Variants in FOCAD observed in about 807,000 individuals in gnomAD.
FOCAD encodes focadhesin.
In FOCAD, 198 loss-of-function variants were observed where a neutral mutation model predicts 225.6. The ratio of observed to expected loss-of-function variants is 0.88; its 90% confidence interval spans 0.78 to 0.99. FOCAD has a LOEUF of 0.99. Among genes scored for constraint, FOCAD ranks in the 50% least tolerant of loss-of-function variants. The probability of loss-of-function intolerance (pLI) is 0.00; values close to 1 mark genes in which losing one functional copy is unlikely to be tolerated. For missense variants in FOCAD, 2,713 were observed against 2,123.6 expected (o/e 1.28, Z -5.46); for synonymous variants, 897 against 755.0 (o/e 1.19, Z -3.08).
intron 21 of FOCAD, among the ~76,000 whole-genome samples, chr9:20,891,870 T>C (rs1831645356): frequency 6.6e-6 from 1 of 152,212 alleles, no homozygotes. Context: ...AGATGCCTTG[T>C]AGAAATTTTA....
intron 4 of FOCAD, among the ~76,000 whole-genome samples, chr9:20,732,021 C>T (rs182349179): frequency 5.9e-5 from 9 of 152,080 alleles, no homozygotes; most frequent in East Asian, 3.9e-4. Context: ...AAACATGTGC[C>T]GTGGTGGTTT....
intron 15 of FOCAD, among the ~76,000 whole-genome samples, chr9:20,845,528 A>T (rs1827013178): frequency 6.7e-6 from 1 of 148,990 alleles, no homozygotes; most frequent in African/African-American, 2.5e-5. Flanking sequence ...TTATTGATGG[A>T]TATTTTATTA....
intron 11 of FOCAD, among the ~76,000 whole-genome samples, chr9:20,811,272 G>T (rs1298450661): frequency 6.6e-6 from 1 of 152,048 alleles, no homozygotes; most frequent in Admixed American, 6.6e-5. Flanking sequence ...GTGTTAGATT[G>T]CTTTGATACA....
At chr9:20,700,676 T>G (rs1823871086) in intron 1 of FOCAD, among the ~76,000 whole-genome samples, 1 of 152,218 alleles carries the variant, frequency 6.6e-6, no homozygotes, top group Admixed American at 6.5e-5. Flanking sequence ...CTTCTGGCTG[T>G]TATTTATTTT....
intron 11 of FOCAD, among the ~76,000 whole-genome samples, chr9:20,799,609 C>T (rs1821556893): frequency 2.0e-5 from 3 of 151,616 alleles, no homozygotes; most frequent in Admixed American, 6.5e-5. Flanking sequence ...TAATGGCCTT[C>T]TTTGTCTGTT....
chr9:20,793,591 C>T lies in FOCAD; in HGVS notation c.1455+3983C>T, dbSNP rs1003909515. Among the ~76,000 whole-genome samples the T allele has an allele frequency of 4.6e-5, 7 of 152,206 alleles. 1 individual carries two copies. Among genetic ancestry groups the T allele is most frequent in the Admixed American group, 2.0e-4 (3 of 15,280 alleles). On this transcript the variant is annotated intron_variant, in intron 11 of 43. Coordinates refer to ENST00000338382, the MANE Select transcript of FOCAD (RefSeq NM_001375567.1). ...CTTACTAATGTACTGAAACAAAATC[C>T]GTTTGTCTGGGTGTGTCATTGAACA...
intron 11 of FOCAD, among the ~76,000 whole-genome samples, chr9:20,817,276 A>T (rs184963568): frequency 6.6e-6 from 1 of 152,292 alleles, no homozygotes; most frequent in East Asian, 1.9e-4. Flanking sequence ...ATATTTACAG[A>T]GTTTTGTAAA....
At chr9:20,921,276 T>G (rs1834403046) in intron 24 of FOCAD, among the ~76,000 whole-genome samples, 1 of 152,208 alleles carries the variant, frequency 6.6e-6, no homozygotes, top group Admixed American at 6.5e-5. Context: ...CAGCCTTCCT[T>G]GTGCTTTTTA....
Position 20,866,917 on chromosome 9 carries a change from T to TTTTAACCAAA in FOCAD, c.2107-12_2107-11insTTTAACCAAA. The TTTTAACCAAA allele has an allele frequency of 1.3e-6, 1 of 764,972 alleles. No individual in the cohort carries two copies. The highest frequency in any genetic ancestry group is 2.0e-6 in the Non-Finnish European group (1 of 498,468). The allele number at this position is 764,972 out of a possible 1,614,324, so 47.4% of individuals were successfully genotyped here. A position where few individuals can be genotyped will look rare whatever the true frequency, so the allele number is the denominator to read the frequency against. ...TTTTTTTTTTTTTTTTTTTTTTTTTTACCCTATCTAGGACCCAATTGTAGC... is the reference window on the plus strand; with the variant it reads ...TTTTTTTTTTTTTTTTTTTTTTTTTTTTTAACCAAAACCCTATCTAGGACCCAATTGTAGC... On this transcript the variant is annotated splice_polypyrimidine_tract_variant and intron_variant, in intron 17 of 43. Transcript: ENST00000338382.
intron 10 of FOCAD, among the ~76,000 whole-genome samples, chr9:20,786,730 T>C (rs1819958958): frequency 1.3e-5 from 2 of 152,244 alleles, no homozygotes; most frequent in African/African-American, 4.8e-5. Context: ...TACTACTTAA[T>C]GTGTCTGCAC....
At chr9:20,975,476 A>C (rs1840150334) in intron 35 of FOCAD, among the ~76,000 whole-genome samples, 1 of 152,212 alleles carries the variant, frequency 6.6e-6, no homozygotes. Flanking sequence ...CCCAAGGTAC[A>C]GAATGCAGTC....
chr9:20,711,944 C>T (rs921242226), intron 1 of FOCAD, among the ~76,000 whole-genome samples: 7 of 152,160 alleles, frequency 4.6e-5, no homozygotes, highest in African/African-American at 1.7e-4. Context: ...CAGTGTTTCC[C>T]AGTGTGTATC....
chr9:20,661,335 A>G (rs533835584), intron 2 of FOCAD, among the ~76,000 whole-genome samples: 5 of 152,344 alleles, frequency 3.3e-5, no homozygotes, highest in African/African-American at 7.2e-5. Flanking sequence ...ATAGTCTCCA[A>G]TGTGCTGAGT....
chr9:20,939,460 C>G (rs946867974), intron 28 of FOCAD, among the ~76,000 whole-genome samples: 1 of 152,078 alleles, frequency 6.6e-6, no homozygotes, highest in African/African-American at 2.4e-5. Context: ...TAAGATGCCG[C>G]CAACTTTAGC....
intron 1 of FOCAD, among the ~76,000 whole-genome samples, chr9:20,686,879 C>T (rs776571019): frequency 7.9e-5 from 12 of 152,106 alleles, no homozygotes; most frequent in Non-Finnish European, 1.6e-4. Flanking sequence ...TGTGAATTTC[C>T]TCCATGTAAA....
intron 34 of FOCAD, among the ~76,000 whole-genome samples, chr9:20,952,264 AC>A: frequency 6.6e-6 from 1 of 152,126 alleles, no homozygotes; most frequent in Non-Finnish European, 1.5e-5. Flanking sequence ...ATCATCTTAT[AC>A]CCAGGTTCTT....
In FOCAD at chr9:20,819,862, G is replaced by A; in HGVS notation, c.1522G>A (p.Asp508Asn). 2 of 1,547,948 alleles carry A rather than the reference G, an allele frequency of 1.3e-6. No homozygotes were observed. Among genetic ancestry groups the A allele is most frequent in the African/African-American group, 1.4e-5 (1 of 71,818 alleles). Reference protein sequence around the residue: ...GRPLEPILYNDILYTLPKLGV... With the variant: ...GRPLEPILYNNILYTLPKLGV... ...ACCACTGGAACCTATATTATATAAT[G>A]ATATATTGTATACTTTACCTAAGCT... The change falls in exon 12 of 44, where the codon GAT becomes AAT. Residue 508 changes from aspartate (D) to asparagine (N), a missense_variant. Transcript: ENST00000338382.
intron 5 of FOCAD, among the ~76,000 whole-genome samples, chr9:20,751,799 C>T (rs1487949503): frequency 6.7e-6 from 1 of 148,190 alleles, no homozygotes; most frequent in Non-Finnish European, 1.5e-5. Context: ...TCCTATTACT[C>T]CACATCCTCT....
At chr9:20,868,100 C>G (rs1310134742) in intron 18 of FOCAD, among the ~76,000 whole-genome samples, 1 of 152,012 alleles carries the variant, frequency 6.6e-6, no homozygotes, top group East Asian at 1.9e-4. Flanking sequence ...TGTTATGACT[C>G]ATACAATTAA....
Sources: allele counts gnomAD v4.1 joint callset (sites outside exome capture counted in the v4.1 genomes callset), GRCh38; gene constraint gnomAD v4.1.1; transcripts MANE v1.5; gene names NCBI Gene and HGNC (gene_info 2026-07-23, HGNC 2026-07-21).